CADM1: variants seen among roughly 807,000 people sequenced by gnomAD.
The protein encoded by CADM1 is cell adhesion molecule 1.
In CADM1, 15 loss-of-function variants were observed where a neutral mutation model predicts 53.1. The ratio of observed to expected loss-of-function variants is 0.28; its 90% confidence interval spans 0.19 to 0.44. The LOEUF is 0.44. CADM1 is among the 20% of genes least tolerant of loss of function. The pLI, the probability that CADM1 is intolerant of heterozygous loss-of-function variation, is 1.00. For missense variants in CADM1, 434 were observed against 611.3 expected (o/e 0.71, Z 3.06); for synonymous variants, 281 against 243.0 (o/e 1.16, Z -1.45).
At chr11:115,485,943 C>G (rs749809768) in intron 1 of CADM1, among the ~76,000 whole-genome samples, 1 of 152,200 alleles carries the variant, frequency 6.6e-6, no homozygotes, top group Non-Finnish European at 1.5e-5. Context: ...AAACCAAGTT[C>G]ATTGCATTCC....
intron 1 of CADM1, among the ~76,000 whole-genome samples, chr11:115,474,554 T>A (rs1949087037): frequency 6.6e-6 from 1 of 151,758 alleles, no homozygotes; most frequent in Non-Finnish European, 1.5e-5. Flanking sequence ...TATAGGGACA[T>A]GAATGAAGCT....
rs1463966338 is a variant in CADM1 at position 115,175,002 on chromosome 11, T to C, written c.*1472A>G. The C allele has an allele frequency of 4.1e-6, 4 of 985,764 alleles. No homozygotes were observed. The African/African-American group carries it at 5.2e-5, about 13-fold the overall frequency. The allele number at this position is 985,764 out of a possible 1,614,324, so 61.1% of individuals were successfully genotyped here. On this transcript the variant is annotated 3_prime_UTR_variant, in exon 12 of 12. Coordinates refer to ENST00000331581, the MANE Select transcript of CADM1 (RefSeq NM_001301043.2). Reference sequence around the variant, plus strand: ...TCAAGGTCACTGATTTTAGTAGCTATGCACTATGGCTGCCATCATGCGAGG... The same window carrying C: ...TCAAGGTCACTGATTTTAGTAGCTACGCACTATGGCTGCCATCATGCGAGG...
At chr11:115,283,984 T>C (rs1173738479) in intron 1 of CADM1, among the ~76,000 whole-genome samples, 1 of 152,068 alleles carries the variant, frequency 6.6e-6, no homozygotes, top group East Asian at 1.9e-4. Context: ...AGGGATCGGG[T>C]CCTAGACTTG....
At chr11:115,444,856 C>A (rs1272506227) in intron 1 of CADM1, among the ~76,000 whole-genome samples, 1 of 152,172 alleles carries the variant, frequency 6.6e-6, no homozygotes, top group Non-Finnish European at 1.5e-5. Flanking sequence ...AGGGAGAAAT[C>A]AACCATAGCT....
At chr11:115,502,928 G>A (rs1388140686) in intron 1 of CADM1, among the ~76,000 whole-genome samples, 1 of 152,164 alleles carries the variant, frequency 6.6e-6, no homozygotes, top group Non-Finnish European at 1.5e-5. Flanking sequence ...TCCGCAGGTG[G>A]GGGCTGAGCT....
At chr11:115,414,467 T>G (rs1211359564) in intron 1 of CADM1, among the ~76,000 whole-genome samples, 1 of 151,884 alleles carries the variant, frequency 6.6e-6, no homozygotes, top group Non-Finnish European at 1.5e-5. Context: ...ATACCACATA[T>G]ACAAAGAAAA....
intron 1 of CADM1, among the ~76,000 whole-genome samples, chr11:115,442,790 G>C (rs1019906332): frequency 1.3e-5 from 2 of 152,098 alleles, no homozygotes; most frequent in African/African-American, 2.4e-5. Flanking sequence ...TCTGAAACAG[G>C]AGACTACAGT....
At chr11:115,377,256 C>A (rs1233228819) in intron 1 of CADM1, 1 of 152,124 alleles carries the variant, frequency 6.6e-6, no homozygotes, top group Non-Finnish European at 1.5e-5. Context: ...GAGAAGAAAG[C>A]TCTCCAATAC....
chr11:115,362,768 G>A (rs1282664654), intron 1 of CADM1, among the ~76,000 whole-genome samples: 1 of 152,096 alleles, frequency 6.6e-6, no homozygotes, highest in Non-Finnish European at 1.5e-5. Context: ...CATCAATAAA[G>A]CAATGAGGTT....
chr11:115,445,794 G>A (rs749917489), intron 1 of CADM1: 7 of 452,580 alleles, frequency 1.5e-5, no homozygotes, highest in East Asian at 1.4e-4. Flanking sequence ...GCAGTGAGCC[G>A]AGATTGTGCC....
chr11:115,443,115 T>C (rs772726828), intron 1 of CADM1, among the ~76,000 whole-genome samples: 1 of 152,162 alleles, frequency 6.6e-6, no homozygotes, highest in Non-Finnish European at 1.5e-5. Context: ...GTCGAGTAAA[T>C]ACAAATATTC....
chr11:115,214,861 C>T, intron 6 of CADM1, 81 bp from the exon 7 acceptor site: 2 of 1,294,574 alleles, frequency 1.5e-6, no homozygotes, highest in South Asian at 1.2e-5. Flanking sequence ...CAGGGTGACA[C>T]AATTAATGAG....
At chr11:115,350,501 CTT>C (rs1277289870) in intron 1 of CADM1, among the ~76,000 whole-genome samples, 1 of 124,700 alleles carries the variant, frequency 8.0e-6, no homozygotes, top group Non-Finnish European at 1.9e-5. Context: ...TATGACCATT[CTT>C]TTTTTCTTTT....
rs1460808488 is a variant in CADM1 at position 115,174,325 on chromosome 11, A to G, written c.*2149T>C. 1 of 985,302 alleles carries G rather than the reference A, an allele frequency of 1.0e-6. No homozygotes were observed. Among genetic ancestry groups the G allele is most frequent in the South Asian group, 4.7e-5 (1 of 21,282 alleles). The allele number at this position is 985,302 out of a possible 1,614,324, so 61.0% of individuals were successfully genotyped here. ...TTTTTCTAAAAAGAACAACTGAAAAAAAACCTTTCAACAACATGCTAAATG... is the reference window on the plus strand; with the variant it reads ...TTTTTCTAAAAAGAACAACTGAAAAGAAACCTTTCAACAACATGCTAAATG... On this transcript the variant is annotated 3_prime_UTR_variant, in exon 12 of 12. Transcript: ENST00000331581.
At chr11:115,245,736 A>G (rs966033645) in intron 1 of CADM1, among the ~76,000 whole-genome samples, 9 of 152,228 alleles carry the variant, frequency 5.9e-5, no homozygotes, top group Non-Finnish European at 1.2e-4. Context: ...CTAACTACGT[A>G]TGTTCCCCCA....
chr11:115,494,939 T>G (rs1949577215), intron 1 of CADM1, among the ~76,000 whole-genome samples: 1 of 152,178 alleles, frequency 6.6e-6, no homozygotes, highest in African/African-American at 2.4e-5. Flanking sequence ...TGGAGAGATT[T>G]GCTTCAGGAA....
intron 1 of CADM1, among the ~76,000 whole-genome samples, chr11:115,281,066 C>A (rs1240219908): frequency 1.3e-5 from 2 of 152,226 alleles, no homozygotes; most frequent in South Asian, 2.1e-4. Flanking sequence ...GGATTGAACT[C>A]CCGGTAGATT....
intron 1 of CADM1, among the ~76,000 whole-genome samples, chr11:115,373,067 G>A (rs1565393228): frequency 6.6e-6 from 1 of 152,182 alleles, no homozygotes; most frequent in Non-Finnish European, 1.5e-5. Context: ...ATCTACTCCA[G>A]TACCAGGCAT....
At chr11:115,478,621 C>T (rs1949189378) in intron 1 of CADM1, among the ~76,000 whole-genome samples, 1 of 152,110 alleles carries the variant, frequency 6.6e-6, no homozygotes, top group Admixed American at 6.6e-5. Context: ...AAATTTTAAA[C>T]AATATGCAAA....
Sources: allele counts gnomAD v4.1 joint callset (sites outside exome capture counted in the v4.1 genomes callset), GRCh38; gene constraint gnomAD v4.1.1; transcripts MANE v1.5; gene names NCBI Gene and HGNC (gene_info 2026-07-23, HGNC 2026-07-21).